PRRC2A: variants seen among roughly 807,000 people sequenced by gnomAD.
The protein encoded by PRRC2A is proline rich coiled-coil 2A, also known as protein PRRC2A.
Under a neutral mutation model 224.6 loss-of-function variants are expected in PRRC2A, and 59 were observed. The ratio of observed to expected loss-of-function variants is 0.26; its 90% CI spans 0.21 to 0.33. PRRC2A has a LOEUF of 0.33. PRRC2A is among the 10% of genes least tolerant of loss of function. The probability of loss-of-function intolerance (pLI) is 1.00; values close to 1 mark genes in which losing one functional copy is unlikely to be tolerated. For synonymous variants in PRRC2A, 1,194 were observed against 1,109.5 expected (o/e 1.08, Z -1.51); for missense variants, 3,095 against 2,880.7 (o/e 1.07, Z -1.70).
chr6:31,624,389 G>A (rs757206257), intron 4 of PRRC2A, 29 bp downstream of exon 4: 3 of 1,610,586 alleles, frequency 1.9e-6, no homozygotes, highest in South Asian at 1.1e-5. Context: ...GGGTGGGGAG[G>A]AAGAATGGTT....
chr6:31,636,871 C>A lies in PRRC2A; in HGVS notation c.6073C>A (p.Pro2025Thr). 1 of 1,612,894 alleles carries A rather than the reference C, an allele frequency of 6.2e-7. No homozygotes were observed. Residue 2025 changes from proline to threonine, a missense_variant, in exon 28 of 31, where the codon CCC becomes ACC. By Grantham distance (38) the Pro-to-Thr change is conservative. Around this residue, in one of 8 missense-constraint regions of PRRC2A, gnomAD observed 662 missense variants for 609.5 expected, o/e 1.09. Coordinates refer to ENST00000376033, the MANE Select transcript of PRRC2A (RefSeq NM_004638.4). This position sits in a 1 kb window ranked among gnomAD's most constrained non-coding sequence, Gnocchi z 4.3. ...ALQPPSLAVRPPPAPATRVLP... is the reference protein window; with the variant it reads ...ALQPPSLAVRTPPAPATRVLP... ...GCAGCCCCCCAGCCTGGCTGTGCGGCCCCCACCTGCTCCTGCTACTCGGGT... is the reference window on the plus strand; with the variant it reads ...GCAGCCCCCCAGCCTGGCTGTGCGGACCCCACCTGCTCCTGCTACTCGGGT...
chr6:31,622,301 GTGT>G (rs1375289791), intron 1 of PRRC2A, among the ~76,000 whole-genome samples: 1 of 152,196 alleles, frequency 6.6e-6, no homozygotes, highest in East Asian at 1.9e-4. Context: ...GGAATCTAAA[GTGT>G]TGTTTCTTCT....
intron 9 of PRRC2A, 72 bp from the exon 10 acceptor site, chr6:31,626,699 AC>A: frequency 7.6e-7 from 1 of 1,320,276 alleles, no homozygotes. Context: ...CCATCTTGTT[AC>A]ATAGTTCCAG....
chr6:31,627,733 C>A lies in PRRC2A; in HGVS notation c.1291-32C>A. The stretch of plus-strand genomic sequence containing the variant: ...TGATAGAAAGCATAGTAACTGATTC[C>A]CCTGGCCCTGCTGGGTCTTGCCAAT... On this transcript the variant is annotated intron_variant, in intron 11 of 30. Coordinates refer to ENST00000376033, the MANE Select transcript of PRRC2A (RefSeq NM_004638.4). This position sits in a 1 kb window ranked among gnomAD's most constrained non-coding sequence, Gnocchi z 5.6. The A allele has an allele frequency of 1.2e-6, 2 of 1,605,708 alleles. No homozygotes were observed. The highest frequency in any genetic ancestry group is 1.7e-6 in the Non-Finnish European group (2 of 1,175,404).
chr6:31,624,009 C>A, intron 3 of PRRC2A, 100 bp downstream of exon 3: 1 of 1,392,624 alleles, frequency 7.2e-7, no homozygotes, highest in Non-Finnish European at 9.8e-7. Context: ...GAGCCAGAGA[C>A]GAAGAGGTCC....
At chr6:31,621,767 C>T (rs767142100) in intron 1 of PRRC2A, among the ~76,000 whole-genome samples, 14 of 152,306 alleles carry the variant, frequency 9.2e-5, no homozygotes, top group Non-Finnish European at 1.6e-4. Context: ...ACACTGTTCC[C>T]GTCCATAAAC....
chr6:31,624,803 C>CTTTT, intron 5 of PRRC2A: 10 of 459,034 alleles, frequency 2.2e-5, no homozygotes, highest in East Asian at 3.6e-5. Context: ...GAGCCTTCCA[C>CTTTT]TTTTTTTTTT....
chr6:31,637,096 C>CT lies in PRRC2A; in HGVS notation c.6204dup (p.Gly2069TrpfsTer55). On this transcript the variant is annotated frameshift_variant, in exon 29 of 31. Transcript: ENST00000376033. LOFTEE classifies it high-confidence loss of function. ...GGATTATCAAAAACTGAGCAGCAAC[C>CT]TTGGGGGACCTGGATCATCACGGAC... is the stretch of plus-strand genomic sequence containing the variant. 1 of 1,610,928 alleles carries CT rather than the reference C, an allele frequency of 6.2e-7. No individual in the cohort carries two copies. The highest frequency in any genetic ancestry group is 8.5e-7 in the Non-Finnish European group (1 of 1,178,892).
Position 31,625,992 on chromosome 6 carries a change from C to T in PRRC2A, c.840-28C>T. On this transcript the variant is annotated intron_variant, in intron 8 of 30. Coordinates refer to ENST00000376033, the MANE Select transcript of PRRC2A (RefSeq NM_004638.4). The surrounding 1 kb of genome is among the most constrained non-coding windows in gnomAD (Gnocchi z 4.1). ...TCTCGCATGTGGTTATACAACATGC[C>T]ATATTTCATTTTCTTTTTTGTGTAC... 3 of 1,609,296 alleles carry T rather than the reference C, an allele frequency of 1.9e-6. No homozygotes were observed. Among genetic ancestry groups the T allele is most frequent in the African/African-American group, 1.3e-5 (1 of 74,776 alleles).
At chr6:31,622,625 C>T in intron 1 of PRRC2A, 65 bp from the exon 2 acceptor site, 2 of 592,562 alleles carry the variant, frequency 3.4e-6, no homozygotes, top group South Asian at 4.6e-5. Flanking sequence ...CACCAGAGGG[C>T]CTCATATCTG....
At chr6:31,623,082 TC>T (rs765672278) in intron 2 of PRRC2A, 181 bp downstream of exon 2, 1 of 764,418 alleles carries the variant, frequency 1.3e-6, no homozygotes, top group Non-Finnish European at 2.4e-6. Context: ...CCAGTTATCC[TC>T]CTACAAAGGC....
In PRRC2A at chr6:31,627,156, C is replaced by G; in HGVS notation, c.1248C>G (p.His416Gln). 6.2e-7 allele frequency: 1 copy of G among 1,613,304 alleles called. No homozygotes were observed. The highest frequency in any genetic ancestry group is 8.5e-7 in the Non-Finnish European group (1 of 1,179,798). Reference sequence around the variant, plus strand: ...CAAAGCCTCCCCTACCCCCACCTCACCGGGGCCCCGCCGGGAACTGGGGCC... The same window carrying G: ...CAAAGCCTCCCCTACCCCCACCTCAGCGGGGCCCCGCCGGGAACTGGGGCC... Reference protein sequence around the residue: ...PAPKPPLPPPHRGPAGNWGPP... With the variant: ...PAPKPPLPPPQRGPAGNWGPP... The change falls in exon 11 of 31, where the codon CAC becomes CAG. Residue 416 changes from histidine (H) to glutamine (Q), a missense_variant. By Grantham distance (24) the His-to-Gln change is conservative. This residue lies in a region of PRRC2A where 2,001 missense variants were observed against 1,764.9 expected (regional missense o/e 1.13). Coordinates refer to ENST00000376033, the MANE Select transcript of PRRC2A (RefSeq NM_004638.4). This position sits in a 1 kb window ranked among gnomAD's most constrained non-coding sequence, Gnocchi z 5.6.
rs1173675220 is a variant in PRRC2A, at chr6:31,632,047, C to T, written c.3374C>T (p.Pro1125Leu). 1 of 1,586,680 alleles carries T rather than the reference C, an allele frequency of 6.3e-7. No individual in the cohort carries two copies. Among genetic ancestry groups the T allele is most frequent in the Admixed American group, 1.7e-5 (1 of 57,942 alleles). ...SDLAPSDKEA[P>L]TPKEGTLTQV... Reference sequence around the variant, plus strand: ...CTGGCTCCTTCAGACAAGGAGGCTCCCACACCCAAGGAGGGAACACTCACC... The same window carrying T: ...CTGGCTCCTTCAGACAAGGAGGCTCTCACACCCAAGGAGGGAACACTCACC... The change falls in exon 16 of 31, where the codon CCC becomes CTC. Residue 1125 changes from proline to leucine, a missense_variant. Physicochemically the swap from Pro to Leu is moderately conservative, Grantham distance 98 (BLOSUM62 -3). Around this residue, in one of 8 missense-constraint regions of PRRC2A, gnomAD observed 2,001 missense variants for 1,764.9 expected, o/e 1.13. Coordinates refer to ENST00000376033, the MANE Select transcript of PRRC2A (RefSeq NM_004638.4).
At chr6:31,624,766 G>C (rs1775704635) in intron 5 of PRRC2A, 1 of 588,310 alleles carries the variant, frequency 1.7e-6, no homozygotes, top group Non-Finnish European at 3.0e-6. Flanking sequence ...TTTGAAGGCG[G>C]GAAACCTGAT....
At chr6:31,622,350 C>T (rs978328164) in intron 1 of PRRC2A, among the ~76,000 whole-genome samples, 1 of 152,108 alleles carries the variant, frequency 6.6e-6, no homozygotes, top group Non-Finnish European at 1.5e-5. Context: ...TTTTAGTTTT[C>T]TCTTGCTTGA....
chr6:31,629,466 CT>C, intron 13 of PRRC2A, 81 bp from the exon 14 acceptor site: 24 of 1,425,194 alleles, frequency 1.7e-5, no homozygotes, highest in Non-Finnish European at 2.3e-5. Flanking sequence ...CCAATTTCCC[CT>C]AGTCCAAGTT....
At chr6:31,634,209 T>C in intron 18 of PRRC2A, 27 bp from the exon 19 acceptor site, 1 of 1,575,484 alleles carries the variant, frequency 6.3e-7, no homozygotes, top group Non-Finnish European at 8.6e-7. Context: ...CAATTCATGT[T>C]TTGCTTCTGG....
chr6:31,622,809 C>T lies in PRRC2A; in HGVS notation c.20C>T (p.Pro7Leu), dbSNP rs1203205112. The change falls in exon 2 of 31, where the codon CCG becomes CTG. Residue 7 changes from proline to leucine, a missense_variant. By Grantham distance (98) the Pro-to-Leu change is moderately conservative. This residue lies in a region of PRRC2A where 64 missense variants were observed against 68.2 expected (regional missense o/e 0.94). Transcript: ENST00000376033. The stretch of plus-strand genomic sequence containing the variant: ...AGCGCAATGTCCGATCGCTCGGGGC[C>T]GACTGCCAAGGGAAAGGATGGAAAG... MSDRSG[P>L]TAKGKDGKKY... The T allele has an allele frequency of 4.3e-6, 7 of 1,613,880 alleles. No homozygotes were observed. The highest frequency in any genetic ancestry group is 1.1e-5 in the South Asian group (1 of 91,072).
In PRRC2A at chr6:31,632,200, G is replaced by A; in HGVS notation, c.3527G>A (p.Arg1176Lys). 1 of 1,606,464 alleles carries A rather than the reference G, an allele frequency of 6.2e-7. No individual in the cohort carries two copies. Among genetic ancestry groups the A allele is most frequent in the Non-Finnish European group, 8.5e-7 (1 of 1,177,216 alleles). The change falls in exon 16 of 31, where the codon AGG becomes AAG. Residue 1176 changes from arginine to lysine, a missense_variant. Arg to Lys is a conservative substitution (Grantham distance 26). Coordinates refer to ENST00000376033, the MANE Select transcript of PRRC2A (RefSeq NM_004638.4). Reference sequence around the variant, plus strand: ...TCTCGCCGGGGCCGAGGAGGAGGGAGGCCCCCTCCTCAAGTTTGCCCAGGC... The same window carrying A: ...TCTCGCCGGGGCCGAGGAGGAGGGAAGCCCCCTCCTCAAGTTTGCCCAGGC... ...VPSRRGRGGG[R>K]PPPQVCPGWS...
Sources: allele counts gnomAD v4.1 joint callset (sites outside exome capture counted in the v4.1 genomes callset), GRCh38; gene constraint gnomAD v4.1.1; regional missense constraint gnomAD v4.1.1; non-coding constraint Gnocchi (gnomAD v3.1); transcripts MANE v1.5; gene names NCBI Gene and HGNC (gene_info 2026-07-23, HGNC 2026-07-21).